DLGAP2: variants seen among roughly 807,000 people sequenced by gnomAD.
The protein encoded by DLGAP2 is disks large-associated protein 2.
In DLGAP2, 26 loss-of-function variants were observed where a neutral mutation model predicts 100.3. That is an observed-to-expected ratio of 0.26 (90% CI 0.19 to 0.36). The LOEUF is 0.36. DLGAP2 is among the 10% of genes least tolerant of loss of function. The probability of loss-of-function intolerance (pLI) is 1.00; values close to 1 mark genes in which losing one functional copy is unlikely to be tolerated. For missense variants in DLGAP2, 1,858 were observed against 1,453.2 expected (o/e 1.28, Z -4.53); for synonymous variants, 886 against 630.1 (o/e 1.41, Z -6.08).
intron 2 of DLGAP2, among the ~76,000 whole-genome samples, chr8:1,174,330 TCATTAC>T (rs1797204309): frequency 6.6e-6 from 1 of 151,682 alleles, no homozygotes; most frequent in African/African-American, 2.4e-5. Context: ...ATCATTATCA[TCATTAC>T]CATTACCACC....
At chr8:1,537,670 G>C (rs1004213781) in intron 4 of DLGAP2, among the ~76,000 whole-genome samples, 1 of 151,936 alleles carries the variant, frequency 6.6e-6, no homozygotes, top group South Asian at 2.1e-4. Flanking sequence ...GATGCCTGTG[G>C]CTTCATGGAT....
chr8:963,460 A>G (rs921862567), intron 2 of DLGAP2, among the ~76,000 whole-genome samples: 2 of 152,198 alleles, frequency 1.3e-5, no homozygotes, highest in African/African-American at 4.8e-5. Flanking sequence ...TATGGTACAT[A>G]TATGCATTTT....
intron 2 of DLGAP2, among the ~76,000 whole-genome samples, chr8:1,172,976 T>G (rs986147729): frequency 2.0e-5 from 3 of 152,158 alleles, no homozygotes; most frequent in East Asian, 1.9e-4. Context: ...AGAGTTTCCA[T>G]TTTTTCTGCT....
intron 3 of DLGAP2, among the ~76,000 whole-genome samples, chr8:1,439,298 G>A (rs13254469): frequency 2.6e-5 from 4 of 152,042 alleles, no homozygotes; most frequent in African/African-American, 7.2e-5. Flanking sequence ...GAGGGACAGA[G>A]GCTGTGGGGG....
At chr8:968,205 C>T (rs1264805472) in intron 2 of DLGAP2, among the ~76,000 whole-genome samples, 1 of 152,136 alleles carries the variant, frequency 6.6e-6, no homozygotes, top group Non-Finnish European at 1.5e-5. Flanking sequence ...ATACAAGCCA[C>T]ATGTGGGCAG....
intron 1 of DLGAP2, among the ~76,000 whole-genome samples, chr8:907,500 TG>T (rs1289507870): frequency 6.6e-6 from 1 of 152,252 alleles, no homozygotes; most frequent in Admixed American, 6.5e-5. Context: ...GCTCAGACTC[TG>T]GAAGACCCAG....
intron 3 of DLGAP2, among the ~76,000 whole-genome samples, chr8:1,411,453 C>G (rs1156603347): frequency 6.6e-6 from 1 of 152,232 alleles, no homozygotes; most frequent in Non-Finnish European, 1.5e-5. Context: ...TTTGGCCCCA[C>G]TTGTGCCGAA....
At chr8:943,495 C>T (rs1282602891) in intron 2 of DLGAP2, among the ~76,000 whole-genome samples, 1 of 152,234 alleles carries the variant, frequency 6.6e-6, no homozygotes, top group Non-Finnish European at 1.5e-5. Context: ...CATCCCGCCA[C>T]AAGCACAGCA....
rs1291891374 is a variant in DLGAP2 at position 979,405 on chromosome 8, A to T, written c.73+71439A>T. 2.0e-5 allele frequency among the ~76,000 whole-genome samples: 3 copies of T among 152,212 alleles called. No individual in the cohort carries two copies. In the East Asian group the frequency reaches 5.8e-4, roughly 29 times the overall value. On this transcript the variant is annotated intron_variant, in intron 2 of 14. Coordinates refer to ENST00000637795, the MANE Select transcript of DLGAP2 (RefSeq NM_001346810.2). ...AGCAGACATAATAGTCTGTGATTTTATCCTTTTTCTAAAAATGTGCTGCCA... is the reference window on the plus strand; with the variant it reads ...AGCAGACATAATAGTCTGTGATTTTTTCCTTTTTCTAAAAATGTGCTGCCA...
chr8:1,271,948 C>T (rs1320239894), intron 3 of DLGAP2, among the ~76,000 whole-genome samples: 1 of 152,162 alleles, frequency 6.6e-6, no homozygotes, highest in Non-Finnish European at 1.5e-5. Context: ...CTAGCTGGGA[C>T]TACAGGTGTG....
At chr8:1,174,576 C>T (rs537175700) in intron 2 of DLGAP2, among the ~76,000 whole-genome samples, 1 of 151,678 alleles carries the variant, frequency 6.6e-6, no homozygotes, top group African/African-American at 2.4e-5. Context: ...ATCACCACCA[C>T]CATTACCATC....
intron 1 of DLGAP2, among the ~76,000 whole-genome samples, chr8:865,697 C>T (rs982415678): frequency 1.3e-5 from 2 of 152,216 alleles, no homozygotes; most frequent in African/African-American, 2.4e-5. Context: ...GCCCTCACAA[C>T]GTGCTCTTCT....
At chr8:1,023,184 G>A (rs1192917994) in intron 2 of DLGAP2, among the ~76,000 whole-genome samples, 3 of 152,190 alleles carry the variant, frequency 2.0e-5, no homozygotes, top group Non-Finnish European at 4.4e-5. Flanking sequence ...CTTTTGTTCA[G>A]ATGCCCAGGG....
intron 3 of DLGAP2, among the ~76,000 whole-genome samples, chr8:1,290,613 A>T (rs1454131407): frequency 1.3e-5 from 2 of 152,206 alleles, no homozygotes; most frequent in South Asian, 4.1e-4. Flanking sequence ...CACCAGAAAG[A>T]CCAGAAAGGC....
intron 2 of DLGAP2, among the ~76,000 whole-genome samples, chr8:1,255,093 ATCC>A (rs199621874): frequency 1.4e-5 from 1 of 73,288 alleles, no homozygotes. Context: ...GTGTCCTCTC[ATCC>A]TGCCTGGGTG....
At position 1,678,227 on chromosome 8, in the gene DLGAP2, A is replaced by C; in HGVS notation, c.2302A>C (p.Lys768Gln). The C allele has an allele frequency of 6.2e-7, 1 of 1,611,388 alleles. No individual in the cohort carries two copies. Among genetic ancestry groups the C allele is most frequent in the South Asian group, 1.1e-5 (1 of 90,842 alleles). ...VEDEKRHGRF[K>Q]RSNSVTAAVQ... is the part of the protein sequence containing the mutation. The stretch of plus-strand genomic sequence containing the variant: ...CTCCTTTTGCAGACACGGACGTTTT[A>C]AACGTTCTAACAGCGTCACGGCCGC... Residue 768 changes from lysine (K) to glutamine (Q), a missense_variant, in exon 12 of 15, where the codon AAA becomes CAA. Lys to Gln is a moderately conservative substitution (Grantham distance 53). Transcript: ENST00000637795.
At chr8:871,533 G>A (rs921978038) in intron 1 of DLGAP2, among the ~76,000 whole-genome samples, 2 of 152,164 alleles carry the variant, frequency 1.3e-5, no homozygotes, top group African/African-American at 4.8e-5. Context: ...GGATTATCCA[G>A]GTTTAGCATC....
At chr8:1,126,515 G>T (rs550491669) in intron 2 of DLGAP2, among the ~76,000 whole-genome samples, 18 of 152,112 alleles carry the variant, frequency 1.2e-4, no homozygotes, top group South Asian at 2.1e-4. Flanking sequence ...CGTGCTGTGC[G>T]TGGACAGGAG....
At chr8:1,167,733 G>C (rs1019292757) in intron 2 of DLGAP2, among the ~76,000 whole-genome samples, 38 of 152,284 alleles carry the variant, frequency 2.5e-4, no homozygotes, top group African/African-American at 8.9e-4. Context: ...TTGGGCATCA[G>C]CATCCATTCA....
Sources: allele counts gnomAD v4.1 joint callset (sites outside exome capture counted in the v4.1 genomes callset), GRCh38; gene constraint gnomAD v4.1.1; transcripts MANE v1.5; gene names NCBI Gene and HGNC (gene_info 2026-07-23, HGNC 2026-07-21).